Variants in PPM1H observed in about 807,000 individuals in gnomAD.
PPM1H encodes the protein protein phosphatase, Mg2+/Mn2+ dependent 1H, also known as protein phosphatase 1H.
In PPM1H, 27 loss-of-function variants were observed where a neutral mutation model predicts 54.9. The observed-to-expected ratio is 0.49, with a 90% CI of 0.36 to 0.68. The LOEUF (loss-of-function observed/expected upper bound fraction) is 0.68. Ranked by LOEUF, PPM1H falls within the 30% of genes least tolerant of loss-of-function variation. PPM1H has a pLI of 0.00. For synonymous variants in PPM1H, 305 were observed against 270.8 expected (o/e 1.13, Z -1.24); for missense variants, 596 against 667.8 (o/e 0.89, Z 1.19).
chr12:62,760,064 C>G (rs747836850), intron 4 of PPM1H, among the ~76,000 whole-genome samples: 1 of 152,216 alleles, frequency 6.6e-6, no homozygotes, highest in Non-Finnish European at 1.5e-5. Context: ...CTCTTCAACT[C>G]TAGCCTGACC....
intron 3 of PPM1H, among the ~76,000 whole-genome samples, chr12:62,789,351 C>T (rs2076691313): frequency 6.6e-6 from 1 of 152,182 alleles, no homozygotes; most frequent in Non-Finnish European, 1.5e-5. Flanking sequence ...GTCTCTTTTA[C>T]AGATAAATTA....
chr12:62,879,158 G>A (rs565252048), intron 1 of PPM1H, among the ~76,000 whole-genome samples: 9 of 152,158 alleles, frequency 5.9e-5, no homozygotes, highest in Non-Finnish European at 1.2e-4. Flanking sequence ...ATGAGTCACC[G>A]TTTAGCAGGA....
At chr12:62,676,845 TG>T (rs2075989701) in intron 8 of PPM1H, among the ~76,000 whole-genome samples, 1 of 152,008 alleles carries the variant, frequency 6.6e-6, no homozygotes, top group African/African-American at 2.4e-5. Context: ...CACAGGTTCC[TG>T]GGGGGAAAGG....
intron 9 of PPM1H, among the ~76,000 whole-genome samples, chr12:62,656,230 T>C (rs1235380215): frequency 6.6e-6 from 1 of 152,214 alleles, no homozygotes; most frequent in African/African-American, 2.4e-5. Context: ...ATCCTGGCTT[T>C]CCCACCATCC....
At chr12:62,888,114 A>T (rs1035990736) in intron 1 of PPM1H, among the ~76,000 whole-genome samples, 1 of 152,188 alleles carries the variant, frequency 6.6e-6, no homozygotes, top group African/African-American at 2.4e-5. Flanking sequence ...GAAGAGGATG[A>T]TTATGGCATA....
At chr12:62,736,664 T>C (rs2076351276) in intron 5 of PPM1H, among the ~76,000 whole-genome samples, 1 of 152,222 alleles carries the variant, frequency 6.6e-6, no homozygotes, top group South Asian at 2.1e-4. Context: ...TGCAAAGTCC[T>C]TTTTGAGTAG....
At chr12:62,903,219 A>G (rs1871210630) in intron 1 of PPM1H, among the ~76,000 whole-genome samples, 1 of 152,164 alleles carries the variant, frequency 6.6e-6, no homozygotes, top group African/African-American at 2.4e-5. Context: ...TTCTTTAGAC[A>G]TGCCTCCATC....
rs746227770 is a variant in PPM1H, at chr12:62,801,806, G to A, written c.756+10C>T. On this transcript the variant is annotated intron_variant, in intron 3 of 9. Coordinates refer to ENST00000228705, the MANE Select transcript of PPM1H (RefSeq NM_020700.2). ...TGGCCCTGCTGCCCCAGACTCCCAG[G>A]AATACCTACCATTTCCTTGAATGCA... is the stretch of plus-strand genomic sequence containing the variant. 101 of 1,613,462 alleles carry A rather than the reference G, an allele frequency of 6.3e-5. No individual in the cohort carries two copies. Among genetic ancestry groups the A allele is most frequent in the Non-Finnish European group, 8.3e-5 (98 of 1,179,520 alleles).
chr12:62,861,758 G>T (rs1869609328), intron 1 of PPM1H, among the ~76,000 whole-genome samples: 1 of 152,202 alleles, frequency 6.6e-6, no homozygotes, highest in African/African-American at 2.4e-5. Context: ...GGGCCAGAAT[G>T]CTGTATCTAG....
chr12:62,709,712 G>C (rs2076195831), intron 6 of PPM1H, among the ~76,000 whole-genome samples: 1 of 152,180 alleles, frequency 6.6e-6, no homozygotes, highest in Non-Finnish European at 1.5e-5. Context: ...TGTCCCAACA[G>C]ATCTACTTCC....
intron 1 of PPM1H, among the ~76,000 whole-genome samples, chr12:62,916,625 T>A (rs1871631655): frequency 7.0e-6 from 1 of 142,770 alleles, no homozygotes; most frequent in African/African-American, 2.7e-5. Context: ...CCAAGAGTAT[T>A]TTTTTTTTTG....
chr12:62,910,191 C>G (rs1276256798), intron 1 of PPM1H, among the ~76,000 whole-genome samples: 1 of 151,992 alleles, frequency 6.6e-6, no homozygotes, highest in African/African-American at 2.4e-5. Context: ...GTGGATGGAG[C>G]ACAGGAGAGA....
chr12:62,781,645 C>G (rs939389123), intron 4 of PPM1H, among the ~76,000 whole-genome samples: 1 of 152,236 alleles, frequency 6.6e-6, no homozygotes, highest in African/African-American at 2.4e-5. Flanking sequence ...GTGATCTGCT[C>G]TCCTAACAAG....
At position 62,699,177 on chromosome 12, in the gene PPM1H, T is replaced by C. The variant is rs1222917111; in HGVS notation, c.1074-5178A>G. On this transcript the variant is annotated intron_variant, in intron 6 of 9. Transcript: ENST00000228705. ...CATGAAAATGAAGAACCTATCAATT[T>C]CCTTTTTATTTTTTATTTTTATTTA... 3.9e-5 allele frequency among the ~76,000 whole-genome samples: 6 copies of C among 152,274 alleles called. No homozygotes were observed. The East Asian group carries it at 9.6e-4, about 24-fold the overall frequency.
intron 1 of PPM1H, chr12:62,850,794 C>T (rs1004936636): frequency 1.3e-5 from 2 of 151,458 alleles, no homozygotes; most frequent in Non-Finnish European, 2.9e-5. Context: ...TCGAGTTTCG[C>T]ACTTTTGGGG....
intron 9 of PPM1H, 63 bp from the exon 10 acceptor site, chr12:62,648,699 G>A: frequency 1.3e-6 from 2 of 1,555,368 alleles, no homozygotes; most frequent in South Asian, 2.3e-5. Flanking sequence ...AGGGTCAAGT[G>A]AGGCTGGGAA....
intron 8 of PPM1H, among the ~76,000 whole-genome samples, chr12:62,668,850 G>A (rs907250288): frequency 6.6e-6 from 1 of 152,232 alleles, no homozygotes; most frequent in African/African-American, 2.4e-5. Flanking sequence ...TTTTAGAAAG[G>A]TTTGTCCAGG....
At chr12:62,693,877 T>C in intron 7 of PPM1H, 59 bp downstream of exon 7, 6 of 1,493,642 alleles carry the variant, frequency 4.0e-6, no homozygotes, top group East Asian at 2.3e-5. Flanking sequence ...ACGGGCTATG[T>C]GGAGCGAAGG....
chr12:62,908,845 T>C (rs1871377080), intron 1 of PPM1H, among the ~76,000 whole-genome samples: 1 of 152,214 alleles, frequency 6.6e-6, no homozygotes, highest in African/African-American at 2.4e-5. Flanking sequence ...CTTATCTATT[T>C]AATCCTCACA....
Sources: allele counts gnomAD v4.1 joint callset (sites outside exome capture counted in the v4.1 genomes callset), GRCh38; gene constraint gnomAD v4.1.1; transcripts MANE v1.5; gene names NCBI Gene and HGNC (gene_info 2026-07-23, HGNC 2026-07-21).